The following CAMK2A variants were observed in gnomAD, a reference collection of about 807,000 sequenced individuals.
CAMK2A encodes the protein calcium/calmodulin-dependent protein kinase type II subunit alpha.
A neutral mutation model predicts 79.2 loss-of-function variants in CAMK2A; 7 were observed. That is an observed-to-expected ratio of 0.09 (90% CI 0.05 to 0.17). CAMK2A has a LOEUF of 0.17. Among genes scored for constraint, CAMK2A ranks in the 10% least tolerant of loss-of-function variants. The pLI is 1.00. For missense variants in CAMK2A, 214 were observed against 646.4 expected (o/e 0.33, Z 7.25); for synonymous variants, 242 against 251.7 (o/e 0.96, Z 0.36).
intron 1 of CAMK2A, among the ~76,000 whole-genome samples, chr5:150,280,519 G>A (rs867565678): frequency 6.6e-6 from 1 of 151,810 alleles, no homozygotes; most frequent in African/African-American, 2.4e-5. Flanking sequence ...ACAAATGTCC[G>A]ACATCCGCCG....
At chr5:150,247,441 C>T (rs1755619393) in intron 12 of CAMK2A, among the ~76,000 whole-genome samples, 1 of 152,254 alleles carries the variant, frequency 6.6e-6, no homozygotes, top group Admixed American at 6.5e-5. Flanking sequence ...CTCCCTGGAC[C>T]TGGCTCCACC....
intron 1 of CAMK2A, among the ~76,000 whole-genome samples, chr5:150,286,949 G>A (rs573462761): frequency 6.3e-4 from 96 of 152,348 alleles, no homozygotes; most frequent in Admixed American, 3.7e-3. Context: ...CTCATTGAAT[G>A]CTCACAGCCC....
chr5:150,239,712 G>A lies in CAMK2A; in HGVS notation c.1009C>T (p.Gln337Ter). Residue 337 changes from glutamine to a stop codon, truncating the protein, a stop_gained, in exon 14 of 19, where the codon CAG (glutamine) becomes TAG (stop). Coordinates refer to ENST00000671881, the MANE Select transcript of CAMK2A (RefSeq NM_015981.4). LOFTEE classifies it high-confidence loss of function. The stretch of plus-strand genomic sequence containing the variant: ...AGACGGCAGACACTCACCATTAACT[G>A]AACGCTGGAACTGGACTTTCTTTTC... ...VKKRKSSSSV[Q>*]LMESSESTNT... 1 of 1,613,988 alleles carries A rather than the reference G, an allele frequency of 6.2e-7. No homozygotes were observed.
intron 2 of CAMK2A, among the ~76,000 whole-genome samples, chr5:150,271,082 A>G (rs1161439873): frequency 1.3e-5 from 2 of 152,146 alleles, no homozygotes; most frequent in Non-Finnish European, 2.9e-5. Flanking sequence ...AGGGATTGGG[A>G]CATCTCCCTT....
intron 2 of CAMK2A, among the ~76,000 whole-genome samples, chr5:150,271,691 C>G (rs7718715): frequency 0.17 from 25,682 of 152,222 alleles, 2,388 homozygotes; most frequent in East Asian, 0.25. Flanking sequence ...AGCTTATACA[C>G]CATTTCATTC....
chr5:150,265,290 C>T, intron 2 of CAMK2A: 2 of 444,670 alleles, frequency 4.5e-6, no homozygotes, highest in Non-Finnish European at 8.4e-6. Flanking sequence ...TCCGAGACTC[C>T]TCCAGGCCTG....
rs1304705631 is a variant in CAMK2A at position 150,248,770 on chromosome 5, A to C, written c.901-956T>G. On this transcript the variant is annotated intron_variant, in intron 11 of 18. Coordinates refer to ENST00000671881, the MANE Select transcript of CAMK2A (RefSeq NM_015981.4). ...TTTGGGTTGGTTCCAAGTCTTTGCT[A>C]TTGTGAGTAGTGCCGCAATAAATAT... Among the ~76,000 whole-genome samples the C allele has an allele frequency of 2.6e-5, 4 of 151,996 alleles. No homozygotes were observed. The East Asian group carries it at 7.7e-4, about 29-fold the overall frequency.
intron 15 of CAMK2A, among the ~76,000 whole-genome samples, chr5:150,235,923 C>A (rs1001776936): frequency 2.6e-5 from 4 of 152,154 alleles, no homozygotes; most frequent in Non-Finnish European, 5.9e-5. Flanking sequence ...CGGGGAGAAG[C>A]TCCTGGCTGA....
chr5:150,274,117 G>A (rs1264355858), intron 1 of CAMK2A, among the ~76,000 whole-genome samples: 2 of 152,208 alleles, frequency 1.3e-5, no homozygotes, highest in Non-Finnish European at 2.9e-5. Flanking sequence ...ATCTGCTAAA[G>A]AGACAGGTGG....
intron 1 of CAMK2A, among the ~76,000 whole-genome samples, chr5:150,277,813 C>T (rs1020203155): frequency 2.0e-5 from 3 of 152,214 alleles, no homozygotes; most frequent in African/African-American, 7.2e-5. Context: ...TATACATTCA[C>T]CACTAAGCAC....
At position 150,231,625 on chromosome 5, in the gene CAMK2A, A is replaced by T. The variant is rs528158308; in HGVS notation, c.1067-245T>A. Among the ~76,000 whole-genome samples, 550 of 151,600 alleles carry T rather than the reference A, an allele frequency of 3.6e-3. 1 individual carries two copies. Among genetic ancestry groups the T allele is most frequent in the African/African-American group, 0.013 (525 of 41,402 alleles). On this transcript the variant is annotated intron_variant, in intron 15 of 18. Transcript: ENST00000671881. ...AGGCCCAGAAAGGCAAAAAAAAAAA[A>T]AAAAGGTGTGAAAGTTCCTCAACTA... is the stretch of plus-strand genomic sequence containing the variant.
rs375609918 is a variant in CAMK2A at position 150,287,744 on chromosome 5, C to T, written c.62+1820G>A. 8.5e-5 allele frequency among the ~76,000 whole-genome samples: 13 copies of T among 152,238 alleles called. No homozygotes were observed. The East Asian group carries it at 2.3e-3, about 27-fold the overall frequency. On this transcript the variant is annotated intron_variant, in intron 1 of 18. Transcript: ENST00000671881. Reference sequence around the variant, plus strand: ...GGTTCTAGGCGAGCACTGGAAAACACCTGGAGAGGGGTCCCTGCACAAGTT... The same window carrying T: ...GGTTCTAGGCGAGCACTGGAAAACATCTGGAGAGGGGTCCCTGCACAAGTT...
At chr5:150,250,469 G>A (rs1755781931) in intron 10 of CAMK2A, among the ~76,000 whole-genome samples, 160 bp from the exon 11 acceptor site, 1 of 152,204 alleles carries the variant, frequency 6.6e-6, no homozygotes, top group Non-Finnish European at 1.5e-5. Context: ...TTAGCATCCT[G>A]GCACCAGACA....
intron 13 of CAMK2A, among the ~76,000 whole-genome samples, chr5:150,244,756 G>A (rs1755488391): frequency 6.6e-6 from 1 of 152,154 alleles, no homozygotes; most frequent in South Asian, 2.1e-4. Context: ...AGCGGGGCAG[G>A]GGCCCGATCC....
intron 11 of CAMK2A, among the ~76,000 whole-genome samples, 185 bp from the exon 12 acceptor site, chr5:150,247,999 C>T (rs1390687255): frequency 2.0e-5 from 3 of 152,218 alleles, no homozygotes; most frequent in East Asian, 3.9e-4. Context: ...CATCCCTCGC[C>T]CCCTGGAGAA....
At chr5:150,260,782 C>T (rs1385617845) in intron 3 of CAMK2A, among the ~76,000 whole-genome samples, 3 of 152,192 alleles carry the variant, frequency 2.0e-5, no homozygotes, top group African/African-American at 7.2e-5. Flanking sequence ...TTTGTCTTCT[C>T]ATTTATCTGC....
intron 2 of CAMK2A, among the ~76,000 whole-genome samples, chr5:150,270,194 C>T (rs1316256587): frequency 6.6e-6 from 1 of 152,324 alleles, no homozygotes; most frequent in African/African-American, 2.4e-5. Context: ...GCTACTGTTA[C>T]TGATGATAGG....
intron 1 of CAMK2A, 22 bp downstream of exon 1, chr5:150,289,542 G>A: frequency 6.2e-7 from 1 of 1,607,314 alleles, no homozygotes; most frequent in South Asian, 1.1e-5. Flanking sequence ...TGCCTTCCAG[G>A]ACTTCCTGAG....
intron 10 of CAMK2A, among the ~76,000 whole-genome samples, 189 bp from the exon 11 acceptor site, chr5:150,250,498 A>G (rs112387594): frequency 0.033 from 5,056 of 152,266 alleles, 288 homozygotes; most frequent in African/African-American, 0.11. Context: ...CAGTAGCACC[A>G]TCAGTTGTAT....
Sources: gnomAD v4.1 joint callset for allele counts (sites outside exome capture counted in the v4.1 genomes callset) on GRCh38, gnomAD v4.1.1 for gene constraint, MANE v1.5 for transcripts, NCBI Gene and HGNC (gene_info 2026-07-23, HGNC 2026-07-21) for gene names.